Variants in ANO3 observed in about 807,000 individuals in gnomAD.
ANO3 encodes anoctamin-3.
ANO3 carries 99 observed loss-of-function variants against 144.8 expected under a neutral mutation model. The observed-to-expected ratio is 0.68, with a 90% CI of 0.58 to 0.81. The LOEUF is 0.81. ANO3 is among the 30% of genes least tolerant of loss of function. The probability of loss-of-function intolerance (pLI) is 0.00; values close to 1 mark genes in which losing one functional copy is unlikely to be tolerated. For missense variants in ANO3, 905 were observed against 1,202.2 expected, an observed-to-expected ratio of 0.75 and a Z score of 3.66; for synonymous variants, 414 against 392.6, an observed-to-expected ratio of 1.05 and a Z score of -0.64.
intron 1 of ANO3, among the ~76,000 whole-genome samples, chr11:26,438,511 C>T (rs1334529888): frequency 7.1e-6 from 1 of 141,444 alleles, no homozygotes; most frequent in Non-Finnish European, 1.5e-5. Flanking sequence ...CTTTAGGAGG[C>T]TGAGGCAGGT....
chr11:26,619,943 G>T (rs1236745585), intron 17 of ANO3, among the ~76,000 whole-genome samples: 2 of 152,188 alleles, frequency 1.3e-5, no homozygotes, highest in African/African-American at 4.8e-5. Flanking sequence ...GTCAGGATCA[G>T]AAATCACATC....
intron 1 of ANO3, among the ~76,000 whole-genome samples, chr11:26,366,146 C>T (rs1856075945): frequency 2.0e-5 from 3 of 151,930 alleles, no homozygotes; most frequent in African/African-American, 7.3e-5. Flanking sequence ...CCTCCCACCT[C>T]CCCTCACCCC....
intron 10 of ANO3, among the ~76,000 whole-genome samples, chr11:26,539,922 C>G (rs113794014): frequency 1.2e-4 from 19 of 152,128 alleles, no homozygotes; most frequent in African/African-American, 4.6e-4. Context: ...AAATTTTTGT[C>G]AAACTTTCAT....
intron 13 of ANO3, among the ~76,000 whole-genome samples, chr11:26,555,098 A>T (rs1850046742): frequency 6.6e-6 from 1 of 152,236 alleles, no homozygotes; most frequent in Non-Finnish European, 1.5e-5. Context: ...AATGAAGAAC[A>T]TGTGAAAAGT....
At chr11:26,526,831 C>G (rs942152575) in intron 7 of ANO3, among the ~76,000 whole-genome samples, 8 of 152,036 alleles carry the variant, frequency 5.3e-5, no homozygotes, top group African/African-American at 1.9e-4. Context: ...GGAATGAGCT[C>G]TCATTTCCCA....
chr11:26,203,434 G>A (rs920884290), intron 1 of ANO3, among the ~76,000 whole-genome samples: 1 of 152,070 alleles, frequency 6.6e-6, no homozygotes, highest in Non-Finnish European at 1.5e-5. Context: ...ACATGGCACA[G>A]GAGCCTTTAT....
intron 1 of ANO3, among the ~76,000 whole-genome samples, chr11:26,200,053 G>A (rs967685141): frequency 1.2e-4 from 18 of 152,062 alleles, no homozygotes; most frequent in African/African-American, 4.3e-4. Flanking sequence ...ATGAGGCTTC[G>A]AACTGAAACT....
chr11:26,439,681 A>G (rs960827013), intron 1 of ANO3, among the ~76,000 whole-genome samples: 15 of 152,328 alleles, frequency 9.8e-5, no homozygotes, highest in African/African-American at 3.4e-4. Context: ...ATAGATCTGT[A>G]TGTGTTGAGA....
intron 3 of ANO3, among the ~76,000 whole-genome samples, chr11:26,461,567 T>A (rs139176870): frequency 3.9e-5 from 6 of 152,224 alleles, no homozygotes; most frequent in African/African-American, 1.4e-4. Context: ...GAAGGCAGAA[T>A]TGTGTTTGCC....
At chr11:26,219,698 A>G (rs576178412) in intron 1 of ANO3, among the ~76,000 whole-genome samples, 1 of 152,016 alleles carries the variant, frequency 6.6e-6, no homozygotes, top group Non-Finnish European at 1.5e-5. Flanking sequence ...GTACATTCTC[A>G]TGAGTCTGGT....
chr11:26,295,360 TA>T (rs1854063052), intron 1 of ANO3, among the ~76,000 whole-genome samples: 1 of 150,922 alleles, frequency 6.6e-6, no homozygotes, highest in African/African-American at 2.4e-5. Context: ...CTACTAAAAA[TA>T]AAAATAAAAA....
intron 1 of ANO3, among the ~76,000 whole-genome samples, chr11:26,375,882 A>G (rs1856392832): frequency 6.6e-6 from 1 of 152,224 alleles, no homozygotes; most frequent in Admixed American, 6.5e-5. Context: ...CAATGAGTAT[A>G]GACTGAGAGA....
upstream of ANO3, among the ~76,000 whole-genome samples, chr11:26,309,308 T>C (rs558929411): frequency 3.3e-5 from 5 of 152,226 alleles, no homozygotes; most frequent in South Asian, 4.1e-4. Context: ...GCCTCCGAGT[T>C]TGGGGGTGCA....
intron 1 of ANO3, among the ~76,000 whole-genome samples, chr11:26,310,531 G>C: frequency 6.6e-6 from 1 of 152,056 alleles, no homozygotes; most frequent in East Asian, 1.9e-4. Context: ...GGTGTACATT[G>C]GACTACCATA....
At chr11:26,460,821 T>C (rs1859367950) in intron 3 of ANO3, among the ~76,000 whole-genome samples, 2 of 152,024 alleles carry the variant, frequency 1.3e-5, no homozygotes, top group Non-Finnish European at 2.9e-5. Context: ...AATAAAATAA[T>C]TAATGTAAAT....
chr11:26,204,444 T>C (rs1207952197), intron 1 of ANO3, among the ~76,000 whole-genome samples: 1 of 152,058 alleles, frequency 6.6e-6, no homozygotes, highest in African/African-American at 2.4e-5. Flanking sequence ...TTCCAAACTT[T>C]CAAGGAAAAA....
At chr11:26,364,104 C>G (rs983755459) in intron 1 of ANO3, among the ~76,000 whole-genome samples, 2 of 152,156 alleles carry the variant, frequency 1.3e-5, no homozygotes, top group Non-Finnish European at 2.9e-5. Context: ...CTACAGCATT[C>G]GCAGTTTCTA....
Position 26,463,169 on chromosome 11 carries a change from A to G in ANO3, c.432+21A>G, listed in dbSNP as rs971836970. 7 of 1,280,316 alleles carry G rather than the reference A, an allele frequency of 5.5e-6. No individual in the cohort carries two copies. In the African/African-American group the frequency reaches 1.1e-4, roughly 19 times the overall value. 79.3% of individuals were successfully genotyped at this position (1,280,316 alleles called of 1,614,324 possible). ...CTAAGGTAATGAGAACTAAATTATC[A>G]ATAAGTCATTTTTAGAGCATCATTT... On this transcript the variant is annotated intron_variant, in intron 4 of 26. Coordinates refer to ENST00000256737, the MANE Select transcript of ANO3 (RefSeq NM_031418.4).
chr11:26,202,533 C>G (rs530558375), intron 1 of ANO3, among the ~76,000 whole-genome samples: 2 of 150,726 alleles, frequency 1.3e-5, no homozygotes, highest in Admixed American at 1.3e-4. Context: ...AAACACAGGG[C>G]GGGTAATTAA....
Sources: allele counts gnomAD v4.1 joint callset (sites outside exome capture counted in the v4.1 genomes callset), GRCh38; gene constraint gnomAD v4.1.1; transcripts MANE v1.5; gene names NCBI Gene and HGNC (gene_info 2026-07-23, HGNC 2026-07-21).